GLIS3: variants seen among roughly 807,000 people sequenced by gnomAD.
GLIS3 encodes zinc finger protein GLIS3.
GLIS3 carries 53 observed loss-of-function variants against 78.6 expected under a neutral mutation model. The ratio of observed to expected loss-of-function variants is 0.67; its 90% confidence interval spans 0.54 to 0.85. The LOEUF is 0.85. GLIS3 is among the 40% of genes least tolerant of loss of function. The probability of loss-of-function intolerance (pLI) is 0.00; values close to 1 mark genes in which losing one functional copy is unlikely to be tolerated. For synonymous variants in GLIS3, 684 were observed against 509.9 expected (o/e 1.34, Z -4.60); for missense variants, 1,703 against 1,231.1 (o/e 1.38, Z -5.74).
Position 4,122,871 on chromosome 9 carries a change from G to A in GLIS3, c.596+2863C>T, listed in dbSNP as rs1249046142. ...AATATATACAATGGCCTCTGTATTC[G>A]AGTTTTGGCAAGGCCTAAATCGAGA... On this transcript the variant is annotated intron_variant, in intron 3 of 10. Transcript: ENST00000381971. 3.3e-5 allele frequency among the ~76,000 whole-genome samples: 5 copies of A among 152,148 alleles called. No homozygotes were observed. The South Asian group carries it at 8.3e-4, about 25-fold the overall frequency.
intron 2 of GLIS3, among the ~76,000 whole-genome samples, chr9:4,235,298 CAAA>C (rs60654092): frequency 1.9e-5 from 2 of 106,060 alleles, no homozygotes; most frequent in Middle Eastern, 3.9e-3. Flanking sequence ...GACTCTGTCT[CAAA>C]AAAAAAAAAA....
At chr9:4,077,533 AG>A (rs1260495586) in intron 4 of GLIS3, among the ~76,000 whole-genome samples, 2 of 152,238 alleles carry the variant, frequency 1.3e-5, no homozygotes, top group Non-Finnish European at 2.9e-5. Context: ...TCTCATTTAA[AG>A]CTGATTCAAC....
chr9:4,220,004 C>A (rs996971597), intron 2 of GLIS3, among the ~76,000 whole-genome samples: 1 of 152,088 alleles, frequency 6.6e-6, no homozygotes, highest in African/African-American at 2.4e-5. Flanking sequence ...TGGATGAGCT[C>A]AGAAAATCTT....
rs1817636029 is a variant in GLIS3 at position 3,824,752 on chromosome 9, G to C, written c.*3520C>G. On this transcript the variant is annotated 3_prime_UTR_variant, in exon 11 of 11. Transcript: ENST00000381971. ...TCTCTACGTGAGTGTATATAACTATGTACAAGAGTCTGTGTGATTTATGGA... is the reference window on the plus strand; with the variant it reads ...TCTCTACGTGAGTGTATATAACTATCTACAAGAGTCTGTGTGATTTATGGA... 6.6e-6 allele frequency: 1 copy of C among 152,516 alleles called. No homozygotes were observed. The highest frequency in any genetic ancestry group is 1.5e-5 in the Non-Finnish European group (1 of 68,026). 9.4% of individuals were successfully genotyped at this position (152,516 alleles called of 1,614,324 possible). A position where few individuals can be genotyped will look rare whatever the true frequency, so the allele number is the denominator to read the frequency against.
chr9:3,844,705 T>G (rs1399957160), intron 9 of GLIS3, among the ~76,000 whole-genome samples: 1 of 152,198 alleles, frequency 6.6e-6, no homozygotes, highest in Admixed American at 6.5e-5. Context: ...ACAGCTTGAC[T>G]GACAGGGTGA....
At chr9:3,957,771 G>C (rs141113974) in intron 4 of GLIS3, among the ~76,000 whole-genome samples, 2,667 of 152,168 alleles carry the variant, frequency 0.018, 90 homozygotes, top group African/African-American at 0.061. Context: ...GCTCTTTCAT[G>C]TTTTTCCTTT....
At chr9:4,284,611 G>A (rs912527520) in intron 2 of GLIS3, among the ~76,000 whole-genome samples, 5 of 151,666 alleles carry the variant, frequency 3.3e-5, no homozygotes, top group African/African-American at 1.2e-4. Flanking sequence ...AGAAGAAGAA[G>A]AAAAATAAAT....
At chr9:3,998,509 A>G (rs551115888) in intron 4 of GLIS3, among the ~76,000 whole-genome samples, 3 of 151,988 alleles carry the variant, frequency 2.0e-5, no homozygotes, top group Non-Finnish European at 4.4e-5. Flanking sequence ...AATAATTACA[A>G]TATAAATACT....
the GLIS3 span, among the ~76,000 whole-genome samples, chr9:4,389,656 C>A: frequency 6.6e-6 from 1 of 152,154 alleles, no homozygotes; most frequent in Admixed American, 6.5e-5. Context: ...CTGCCCAAGA[C>A]AATCACATCA....
chr9:3,955,585 G>T (rs772386533), intron 4 of GLIS3, among the ~76,000 whole-genome samples: 3 of 152,088 alleles, frequency 2.0e-5, no homozygotes, highest in African/African-American at 7.2e-5. Flanking sequence ...GTTATGGTTG[G>T]CGTTGGATTA....
At chr9:3,895,672 A>C (rs1822778985) in intron 7 of GLIS3, among the ~76,000 whole-genome samples, 1 of 152,192 alleles carries the variant, frequency 6.6e-6, no homozygotes, top group Non-Finnish European at 1.5e-5. Context: ...GAAGTGCAAG[A>C]CTTGTATGTT....
intron 2 of GLIS3, among the ~76,000 whole-genome samples, chr9:4,271,014 C>A (rs1289342953): frequency 2.0e-5 from 3 of 151,922 alleles, no homozygotes; most frequent in Non-Finnish European, 4.4e-5. Context: ...CTCAGCCACC[C>A]CTGAGACAGC....
intron 4 of GLIS3, among the ~76,000 whole-genome samples, chr9:4,009,166 G>C (rs1044160785): frequency 1.3e-5 from 2 of 152,142 alleles, no homozygotes; most frequent in African/African-American, 4.8e-5. Flanking sequence ...TTCCAGAGCC[G>C]TTCCTGAACG....
rs139274047 is a variant in GLIS3, at chr9:4,054,525, G to A, written c.1710+63243C>T. 4.1e-6 allele frequency: 4 copies of A among 984,154 alleles called. No individual in the cohort carries two copies. The African/African-American group carries it at 7.0e-5, about 17-fold the overall frequency. The allele number at this position is 984,154 out of a possible 1,614,324, so 61.0% of individuals were successfully genotyped here. On this transcript the variant is annotated intron_variant, in intron 4 of 10. Transcript: ENST00000381971. ...ACAGAAATGGCAGTCTACAGAGAAG[G>A]AGGCAAACACAGATCTGATCAGTGC...
the GLIS3 span, among the ~76,000 whole-genome samples, chr9:4,414,830 G>C: frequency 3.3e-5 from 5 of 151,664 alleles, no homozygotes; most frequent in African/African-American, 9.7e-5. Context: ...GATGATGTCT[G>C]ATCACCCTGG....
intron 5 of GLIS3, 148 bp downstream of exon 5, chr9:3,936,880 G>C: frequency 1.0e-6 from 1 of 999,202 alleles, no homozygotes; most frequent in Middle Eastern, 3.3e-4. Flanking sequence ...GGCCCCATCT[G>C]GCCTTTTACC....
intron 4 of GLIS3, among the ~76,000 whole-genome samples, chr9:3,997,371 A>T (rs1820820897): frequency 6.6e-6 from 1 of 151,888 alleles, no homozygotes; most frequent in South Asian, 2.1e-4. Context: ...CAATAAAAAT[A>T]AAAATAAAAT....
chr9:4,202,423 TC>T (rs1819487300), intron 2 of GLIS3, among the ~76,000 whole-genome samples: 1 of 84,658 alleles, frequency 1.2e-5, no homozygotes, highest in South Asian at 4.2e-4. Flanking sequence ...GGACTCAGTC[TC>T]AAAAAATAAA....
chr9:4,375,418 A>G, the GLIS3 span, among the ~76,000 whole-genome samples: 1 of 152,238 alleles, frequency 6.6e-6, no homozygotes, highest in Non-Finnish European at 1.5e-5. Flanking sequence ...ATGAAGGATG[A>G]AAACAATTTG....
Sources: allele counts gnomAD v4.1 joint callset (sites outside exome capture counted in the v4.1 genomes callset), GRCh38; gene constraint gnomAD v4.1.1; transcripts MANE v1.5; gene names NCBI Gene and HGNC (gene_info 2026-07-23, HGNC 2026-07-21).